The following CFDP1 variants were observed in gnomAD, a reference collection of about 807,000 sequenced individuals.
CFDP1 encodes the protein heterochromatin-stabilizing protein CFDP1.
A neutral mutation model predicts 40.1 loss-of-function variants in CFDP1; 31 were observed. That is an observed-to-expected ratio of 0.77 (90% CI 0.58 to 1.04). CFDP1 has a LOEUF of 1.04. Ranked by LOEUF, CFDP1 falls within the 50% of genes least tolerant of loss-of-function variation. CFDP1 has a pLI of 0.00. For synonymous variants in CFDP1, 167 were observed against 120.0 expected (o/e 1.39, Z -2.56); for missense variants, 423 against 343.4 (o/e 1.23, Z -1.83).
chr16:75,302,735 G>A (rs2078229486), intron 6 of CFDP1, among the ~76,000 whole-genome samples: 1 of 152,222 alleles, frequency 6.6e-6, no homozygotes, highest in Non-Finnish European at 1.5e-5. Flanking sequence ...TCTGAATGGA[G>A]AGGTTTGGGG....
chr16:75,377,919 C>T (rs1202016178), intron 5 of CFDP1, among the ~76,000 whole-genome samples: 1 of 152,230 alleles, frequency 6.6e-6, no homozygotes, highest in Admixed American at 6.5e-5. Context: ...AGCAACTTCG[C>T]TAGCAGTCAC....
At chr16:75,396,843 G>T (rs916528365) in intron 4 of CFDP1, among the ~76,000 whole-genome samples, 1 of 152,058 alleles carries the variant, frequency 6.6e-6, no homozygotes, top group Non-Finnish European at 1.5e-5. Flanking sequence ...TTGTTTAAAT[G>T]CAGTCTATTA....
At chr16:75,401,484 C>G (rs147190315) in intron 4 of CFDP1, among the ~76,000 whole-genome samples, 6,553 of 151,064 alleles carry the variant, frequency 0.043, 187 homozygotes, top group South Asian at 0.11. Context: ...CCTGTAATCC[C>G]AGCTGCTTGG....
intron 3 of CFDP1, among the ~76,000 whole-genome samples, 158 bp downstream of exon 3, chr16:75,412,377 T>C (rs962838097): frequency 6.6e-6 from 1 of 152,244 alleles, no homozygotes; most frequent in Non-Finnish European, 1.5e-5. Context: ...GAAACTTACA[T>C]GATTAGAGAA....
In CFDP1 at chr16:75,383,043, T is replaced by C. The variant is rs1379103776; in HGVS notation, c.650+12047A>G. Among the ~76,000 whole-genome samples, 7 of 152,356 alleles carry C rather than the reference T, an allele frequency of 4.6e-5. No individual in the cohort carries two copies. In the South Asian group the frequency reaches 6.2e-4, roughly 14 times the overall value. On this transcript the variant is annotated intron_variant, in intron 5 of 6. Coordinates refer to ENST00000283882, the MANE Select transcript of CFDP1 (RefSeq NM_006324.3). Reference sequence around the variant, plus strand: ...GTTTTATGGTCTTAAGCATCCAGAATTACTAGGTCTAAAGATGAATGTTTG... The same window carrying C: ...GTTTTATGGTCTTAAGCATCCAGAACTACTAGGTCTAAAGATGAATGTTTG...
chr16:75,358,653 A>G (rs1245304761), intron 5 of CFDP1, among the ~76,000 whole-genome samples: 1 of 152,186 alleles, frequency 6.6e-6, no homozygotes, highest in Admixed American at 6.5e-5. Context: ...TACCTGAAAA[A>G]AATGACTGGC....
At chr16:75,411,701 G>C in intron 4 of CFDP1, 124 bp downstream of exon 4, 1 of 990,372 alleles carries the variant, frequency 1.0e-6, no homozygotes. Context: ...TTTTCCTTGA[G>C]TTCAAGTATA....
chr16:75,313,806 T>C (rs2078309077), intron 5 of CFDP1, among the ~76,000 whole-genome samples: 2 of 150,362 alleles, frequency 1.3e-5, no homozygotes, highest in Admixed American at 1.3e-4. Context: ...GAATCTCAAG[T>C]TGAAAGTCTG....
chr16:75,340,103 T>C (rs1278022113), intron 5 of CFDP1, among the ~76,000 whole-genome samples: 1 of 152,244 alleles, frequency 6.6e-6, no homozygotes, highest in Non-Finnish European at 1.5e-5. Flanking sequence ...CATTTGAGTT[T>C]TGTAAGACAA....
chr16:75,382,955 T>G lies in CFDP1; in HGVS notation c.650+12135A>C, dbSNP rs114162971. Among the ~76,000 whole-genome samples, 64 of 152,336 alleles carry G rather than the reference T, an allele frequency of 4.2e-4. 1 individual carries two copies. The highest frequency in any genetic ancestry group is 1.5e-3 in the African/African-American group (63 of 41,564). On this transcript the variant is annotated intron_variant, in intron 5 of 6. Transcript: ENST00000283882. Reference sequence around the variant, plus strand: ...GAGTTTTTCCTACACATTCTCAAATTAGCAACTACTGAAATTGTACTACAT... The same window carrying G: ...GAGTTTTTCCTACACATTCTCAAATGAGCAACTACTGAAATTGTACTACAT...
At chr16:75,391,502 G>T (rs976518894) in intron 5 of CFDP1, 5 of 152,144 alleles carry the variant, frequency 3.3e-5, no homozygotes, top group African/African-American at 1.2e-4. Flanking sequence ...TTTTTTAAAT[G>T]ACACATCTAT....
intron 5 of CFDP1, among the ~76,000 whole-genome samples, chr16:75,323,107 G>C (rs975570983): frequency 1.3e-5 from 2 of 151,184 alleles, no homozygotes; most frequent in East Asian, 3.9e-4. Context: ...CTTTTTGACT[G>C]TTTTTTAGTA....
chr16:75,381,194 T>A (rs1004754925), intron 5 of CFDP1: 1 of 152,182 alleles, frequency 6.6e-6, no homozygotes, highest in Admixed American at 6.5e-5. Flanking sequence ...CCAGGAGCAA[T>A]GGCCCATACC....
chr16:75,422,927 C>T (rs1276281493), intron 1 of CFDP1, among the ~76,000 whole-genome samples: 1 of 151,824 alleles, frequency 6.6e-6, no homozygotes, highest in Non-Finnish European at 1.5e-5. Context: ...GAAGATTGCT[C>T]AAAGCCAGGT....
chr16:75,428,532 G>A lies in CFDP1; in HGVS notation c.64+4757C>T, dbSNP rs978596024. 3.9e-5 allele frequency among the ~76,000 whole-genome samples: 6 copies of A among 151,936 alleles called. No individual in the cohort carries two copies. In the East Asian group the frequency reaches 1.2e-3, roughly 30 times the overall value. On this transcript the variant is annotated intron_variant, in intron 1 of 6. Coordinates refer to ENST00000283882, the MANE Select transcript of CFDP1 (RefSeq NM_006324.3). Reference sequence around the variant, plus strand: ...CTCGAGAGGCTGAGGCAGGGGAATCGCTTGAACCCGGAAGGCGGAAGTTGC... The same window carrying A: ...CTCGAGAGGCTGAGGCAGGGGAATCACTTGAACCCGGAAGGCGGAAGTTGC...
intron 5 of CFDP1, among the ~76,000 whole-genome samples, chr16:75,382,270 A>T (rs2078859024): frequency 6.6e-6 from 1 of 152,330 alleles, no homozygotes; most frequent in African/African-American, 2.4e-5. Flanking sequence ...TGATTGATAA[A>T]ATATAAGGAA....
At chr16:75,381,930 A>T (rs1387537734) in intron 5 of CFDP1, among the ~76,000 whole-genome samples, 1 of 152,082 alleles carries the variant, frequency 6.6e-6, no homozygotes, top group Non-Finnish European at 1.5e-5. Flanking sequence ...ACCCTAAGCA[A>T]ATATAAGAAA....
chr16:75,412,765 G>A lies in CFDP1; in HGVS notation c.183-11C>T. The A allele has an allele frequency of 1.2e-6, 2 of 1,604,096 alleles. No homozygotes were observed. The highest frequency in any genetic ancestry group is 1.7e-6 in the Non-Finnish European group (2 of 1,172,870). On this transcript the variant is annotated splice_polypyrimidine_tract_variant and intron_variant, in intron 2 of 6. Coordinates refer to ENST00000283882, the MANE Select transcript of CFDP1 (RefSeq NM_006324.3). ...CCTTGTCTTCTCTTCCTAATCACCA[G>A]CAGTCACAGGAAAAAGGAAAGACAG...
chr16:75,419,048 C>T, intron 1 of CFDP1: 1 of 415,370 alleles, frequency 2.4e-6, no homozygotes, highest in South Asian at 1.7e-5. Flanking sequence ...GAGGCTGAGG[C>T]AGGAGGATCA....
Sources: allele counts gnomAD v4.1 joint callset (sites outside exome capture counted in the v4.1 genomes callset), GRCh38; gene constraint gnomAD v4.1.1; transcripts MANE v1.5; gene names NCBI Gene and HGNC (gene_info 2026-07-23, HGNC 2026-07-21).